Variants in HRK observed in about 807,000 individuals in gnomAD.
HRK encodes the protein harakiri, BCL2 interacting protein, also known as activator of apoptosis harakiri.
Under a neutral mutation model 5.9 loss-of-function variants are expected in HRK, and 6 were observed. The observed-to-expected ratio is 1.02, with a 90% CI of 0.56 to 2.01. The LOEUF is 2.01. HRK is among the 30% of genes most tolerant of loss of function. HRK has a pLI of 0.00. For synonymous variants in HRK, 85 were observed against 65.1 expected (o/e 1.31, Z -1.47); for missense variants, 133 against 128.3 (o/e 1.04, Z -0.18).
intron 1 of HRK, among the ~76,000 whole-genome samples, chr12:116,866,245 A>T (rs190198356): frequency 6.6e-4 from 100 of 151,798 alleles, no homozygotes; most frequent in Non-Finnish European, 1.2e-3. Flanking sequence ...AATGGTACCA[A>T]TCATCCTAGT....
intron 1 of HRK, among the ~76,000 whole-genome samples, chr12:116,866,722 T>C (rs768442670): frequency 2.6e-5 from 4 of 152,172 alleles, no homozygotes; most frequent in Non-Finnish European, 4.4e-5. Context: ...CCTGAGCTCC[T>C]ACCCACTAGG....
chr12:116,871,164 C>T (rs1198906369), intron 1 of HRK, among the ~76,000 whole-genome samples: 54 of 151,756 alleles, frequency 3.6e-4, no homozygotes, highest in Non-Finnish European at 4.4e-4. Context: ...ACCATGTTGG[C>T]CAGGCTGGTC....
rs1344757107 is a variant in HRK at position 116,881,105 on chromosome 12, T to G, written c.203A>C (p.Tyr68Ser). 7.9e-7 allele frequency: 1 copy of G among 1,258,958 alleles called. No individual in the cohort carries two copies. The highest frequency in any genetic ancestry group is 1.6e-5 in the African/African-American group (1 of 63,662). 78.0% of individuals were successfully genotyped at this position (1,258,958 alleles called of 1,614,324 possible). A position where few individuals can be genotyped will look rare whatever the true frequency, so the allele number is the denominator to read the frequency against. Residue 68 changes from tyrosine to serine, a missense_variant, in exon 1 of 2, where the codon TAC becomes TCC. Physicochemically the swap from Tyr to Ser is moderately radical, Grantham distance 144. Coordinates refer to ENST00000257572, the MANE Select transcript of HRK (RefSeq NM_003806.4). The stretch of plus-strand genomic sequence containing the variant: ...CGCGGCCGCGCACAGCCAAGGCCAG[T>G]AGGTGGGGAGCGCGCCGGGCGCCGG... Reference protein sequence around the residue: ...RAPAPGALPTYWPWLCAAAQV... With the variant: ...RAPAPGALPTSWPWLCAAAQV...
intron 1 of HRK, among the ~76,000 whole-genome samples, chr12:116,872,700 A>G (rs1041507396): frequency 3.3e-5 from 5 of 152,050 alleles, no homozygotes; most frequent in Non-Finnish European, 5.9e-5. Flanking sequence ...GCTTGAGCCC[A>G]GGAGGTTAAG....
chr12:116,870,711 G>A (rs890182713), intron 1 of HRK, among the ~76,000 whole-genome samples: 2 of 152,104 alleles, frequency 1.3e-5, no homozygotes, highest in African/African-American at 4.8e-5. Context: ...GCAAAGGTAG[G>A]AGAATCACTT....
Position 116,858,574 on chromosome 12 carries a change from T to TCACACACA in HRK, c.*2941_*2948dup, listed in dbSNP as rs55713149. The TCACACACA allele has an allele frequency of 3.1e-4, 38 of 121,282 alleles. No homozygotes were observed. Among genetic ancestry groups the TCACACACA allele is most frequent in the African/African-American group, 9.2e-4 (31 of 33,536 alleles). 7.5% of individuals were successfully genotyped at this position (121,282 alleles called of 1,614,324 possible). ...CAGAGGCCTCCCTCTGCTTGTACGG[T>TCACACACA]CACACACACACACACACACACACAC... On this transcript the variant is annotated 3_prime_UTR_variant, in exon 2 of 2. Transcript: ENST00000257572.
rs1343619640 is a variant in HRK, at chr12:116,862,365, A to G, written c.*57-899T>C. On this transcript the variant is annotated intron_variant, in intron 1 of 1. Transcript: ENST00000257572. This position sits in a 1 kb window ranked among gnomAD's most constrained non-coding sequence, Gnocchi z 4.0. ...TAAACAAAATGTGGTCTTTCCATAC[A>G]ATGGACTATTAGTCAGCCATCAAAA... is the stretch of plus-strand genomic sequence containing the variant. Among the ~76,000 whole-genome samples the G allele has an allele frequency of 3.9e-5, 6 of 152,224 alleles. No homozygotes were observed. The highest frequency in any genetic ancestry group is 7.3e-5 in the Non-Finnish European group (5 of 68,048).
At position 116,861,310 on chromosome 12, in the gene HRK, C is replaced by T. The variant is rs1878359239; in HGVS notation, c.*213G>A. 1 of 152,212 alleles carries T rather than the reference C, an allele frequency of 6.6e-6. No homozygotes were observed. The highest frequency in any genetic ancestry group is 2.1e-4 in the South Asian group (1 of 4,828). 9.4% of individuals were successfully genotyped at this position (152,212 alleles called of 1,614,324 possible). A position where few individuals can be genotyped will look rare whatever the true frequency, so the allele number is the denominator to read the frequency against. ...TTTCTGCAGCTGGATTTCCAAAGGG[C>T]TTCCCCAGTCCCATTCTGTGTTTCT... On this transcript the variant is annotated 3_prime_UTR_variant, in exon 2 of 2. Transcript: ENST00000257572.
intron 1 of HRK, among the ~76,000 whole-genome samples, chr12:116,876,254 T>G (rs1335606810): frequency 6.6e-6 from 1 of 151,474 alleles, no homozygotes; most frequent in East Asian, 1.9e-4. Context: ...TCCCGGGGGG[T>G]TCCTCCCCAA....
At chr12:116,864,079 G>A (rs1179046757) in intron 1 of HRK, among the ~76,000 whole-genome samples, 1 of 152,134 alleles carries the variant, frequency 6.6e-6, no homozygotes, top group East Asian at 1.9e-4. Context: ...TATTTTCATA[G>A]AATATGGAAT....
chr12:116,864,655 T>C (rs1205717401), intron 1 of HRK, among the ~76,000 whole-genome samples: 2 of 152,016 alleles, frequency 1.3e-5, no homozygotes, highest in Admixed American at 6.6e-5. Flanking sequence ...CAGGGAACTG[T>C]ATCAGAAAGT....
intron 1 of HRK, among the ~76,000 whole-genome samples, chr12:116,864,323 G>A (rs972461163): frequency 2.6e-5 from 4 of 152,304 alleles, no homozygotes; most frequent in African/African-American, 7.2e-5. Flanking sequence ...TGTGGACATC[G>A]TGCTAAGCAT....
At position 116,858,226 on chromosome 12, in the gene HRK, T is replaced by A. The variant is rs1211882329; in HGVS notation, c.*3297A>T. The A allele has an allele frequency of 7.0e-6, 1 of 143,692 alleles. No homozygotes were observed. Among genetic ancestry groups the A allele is most frequent in the Non-Finnish European group, 1.5e-5 (1 of 67,088 alleles). The allele number at this position is 143,692 out of a possible 1,614,324, so 8.9% of individuals were successfully genotyped here. Reference sequence around the variant, plus strand: ...AAAACAGGAACTGGGGTCTAGGACATGCGCACGGCCTAGGACCATGGACAG... The same window carrying A: ...AAAACAGGAACTGGGGTCTAGGACAAGCGCACGGCCTAGGACCATGGACAG... On this transcript the variant is annotated 3_prime_UTR_variant, in exon 2 of 2. Coordinates refer to ENST00000257572, the MANE Select transcript of HRK (RefSeq NM_003806.4).
At chr12:116,868,667 T>G (rs1041513440) in intron 1 of HRK, among the ~76,000 whole-genome samples, 1 of 152,204 alleles carries the variant, frequency 6.6e-6, no homozygotes, top group Non-Finnish European at 1.5e-5. Flanking sequence ...CTCCCCTACA[T>G]TCATTCATTC....
Position 116,881,324 on chromosome 12 carries a change from C to G in HRK, c.-17G>C, listed in dbSNP as rs1879150086. 1.9e-6 allele frequency: 2 copies of G among 1,064,048 alleles called. No homozygotes were observed. Among genetic ancestry groups the G allele is most frequent in the South Asian group, 8.8e-5 (2 of 22,738 alleles). The allele number at this position is 1,064,048 out of a possible 1,614,324, so 65.9% of individuals were successfully genotyped here. A position where few individuals can be genotyped will look rare whatever the true frequency, so the allele number is the denominator to read the frequency against. ...CGGGCACATGACCGCTGGCCTCGCT[C>G]CCGCCCCGCGCTCGGGCCGCCCCTC... On this transcript the variant is annotated 5_prime_UTR_variant, in exon 1 of 2. Coordinates refer to ENST00000257572, the MANE Select transcript of HRK (RefSeq NM_003806.4).
intron 1 of HRK, among the ~76,000 whole-genome samples, chr12:116,875,917 C>T (rs928930247): frequency 2.6e-5 from 4 of 152,092 alleles, no homozygotes; most frequent in African/African-American, 9.7e-5. Flanking sequence ...AAGCAAGTTG[C>T]CAGGGACTAG....
At position 116,857,517 on chromosome 12, in the gene HRK, T is replaced by C. The variant is rs1878194468; in HGVS notation, c.*4006A>G. ...GCAACTTGTAATATCAGGTGGACACTCAAAAAGTCCACAATGGTGAGCCAC... is the reference window on the plus strand; with the variant it reads ...GCAACTTGTAATATCAGGTGGACACCCAAAAAGTCCACAATGGTGAGCCAC... On this transcript the variant is annotated 3_prime_UTR_variant, in exon 2 of 2. Coordinates refer to ENST00000257572, the MANE Select transcript of HRK (RefSeq NM_003806.4). 6.6e-6 allele frequency: 1 copy of C among 152,136 alleles called. No homozygotes were observed. The highest frequency in any genetic ancestry group is 1.5e-5 in the Non-Finnish European group (1 of 68,028). The allele number at this position is 152,136 out of a possible 1,614,324, so 9.4% of individuals were successfully genotyped here.
In HRK at chr12:116,860,289, A is replaced by C. The variant is rs941594101; in HGVS notation, c.*1234T>G. 1.3e-5 allele frequency: 2 copies of C among 152,208 alleles called. No individual in the cohort carries two copies. The highest frequency in any genetic ancestry group is 2.9e-5 in the Non-Finnish European group (2 of 68,046). 9.4% of individuals were successfully genotyped at this position (152,208 alleles called of 1,614,324 possible). A position where few individuals can be genotyped will look rare whatever the true frequency, so the allele number is the denominator to read the frequency against. ...ACACATCTTTTTTTAGCCCTTCTAG[A>C]AACTTCTGAAAATAGTAGCTTATCC... is the stretch of plus-strand genomic sequence containing the variant. On this transcript the variant is annotated 3_prime_UTR_variant, in exon 2 of 2. Transcript: ENST00000257572.
chr12:116,865,763 C>G (rs773197312), intron 1 of HRK, among the ~76,000 whole-genome samples: 2 of 151,994 alleles, frequency 1.3e-5, no homozygotes, highest in Non-Finnish European at 2.9e-5. Flanking sequence ...CTTTTTTGTT[C>G]TTTTCCTACC....
Sources: gnomAD v4.1 joint callset for allele counts (sites outside exome capture counted in the v4.1 genomes callset) on GRCh38, gnomAD v4.1.1 for gene constraint, Gnocchi (gnomAD v3.1) non-coding constraint, MANE v1.5 for transcripts, NCBI Gene and HGNC (gene_info 2026-07-23, HGNC 2026-07-21) for gene names.